MRAP2: variants seen among roughly 807,000 people sequenced by gnomAD.
The protein encoded by MRAP2 is melanocortin-2 receptor accessory protein 2.
MRAP2 carries 20 observed loss-of-function variants against 17.4 expected under a neutral mutation model. That is an observed-to-expected ratio of 1.15 (90% confidence interval 0.81 to 1.67). The LOEUF is 1.67. Ranked by LOEUF, MRAP2 falls within the 40% of genes most tolerant of loss-of-function variation. The pLI is 0.00. For synonymous variants in MRAP2, 96 were observed against 88.4 expected, an observed-to-expected ratio of 1.09 and a Z score of -0.48; for missense variants, 238 against 240.0, an observed-to-expected ratio of 0.99 and a Z score of 0.05.
chr6:84,132,405 G>T, the MRAP2 span, among the ~76,000 whole-genome samples: 2 of 152,132 alleles, frequency 1.3e-5, no homozygotes, highest in Non-Finnish European at 2.9e-5. Flanking sequence ...GCTAGGCTGG[G>T]GAAGTTCTCC....
the MRAP2 span, among the ~76,000 whole-genome samples, chr6:84,120,502 A>C: frequency 6.6e-6 from 1 of 152,198 alleles, no homozygotes; most frequent in Non-Finnish European, 1.5e-5. Context: ...TGCAATGATT[A>C]AGGAATAGGA....
At chr6:84,056,483 T>G (rs1011510198) in intron 2 of MRAP2, among the ~76,000 whole-genome samples, 1 of 152,216 alleles carries the variant, frequency 6.6e-6, no homozygotes, top group South Asian at 2.1e-4. Context: ...AATTAAATAC[T>G]TTCATTCATT....
At chr6:84,036,281 TAAAC>T (rs891177842) in intron 1 of MRAP2, among the ~76,000 whole-genome samples, 46 of 152,190 alleles carry the variant, frequency 3.0e-4, no homozygotes, top group Non-Finnish European at 5.7e-4. Context: ...AATGTTTTAA[TAAAC>T]AAAATGAAAA....
upstream of MRAP2, chr6:84,033,735 G>A: frequency 3.0e-6 from 3 of 985,366 alleles, no homozygotes; most frequent in Non-Finnish European, 3.6e-6. Flanking sequence ...TGCGGGTCGG[G>A]AGCGCGCGTC....
chr6:84,080,614 C>T (rs554922432), intron 3 of MRAP2, among the ~76,000 whole-genome samples: 1 of 152,258 alleles, frequency 6.6e-6, no homozygotes, highest in South Asian at 2.1e-4. Context: ...GCTAAGTCTA[C>T]CTGAAGTCCA....
chr6:84,054,508 C>G (rs1002361565), intron 1 of MRAP2, among the ~76,000 whole-genome samples: 13 of 152,152 alleles, frequency 8.5e-5, no homozygotes, highest in Non-Finnish European at 1.8e-4. Context: ...TCTGCAAGAT[C>G]CACTATGCAA....
At chr6:84,071,274 G>A (rs2129170637) in intron 3 of MRAP2, among the ~76,000 whole-genome samples, 1 of 152,296 alleles carries the variant, frequency 6.6e-6, no homozygotes, top group East Asian at 1.9e-4. Flanking sequence ...GTGGTGGCTT[G>A]GTTGTGGCGA....
chr6:84,053,220 A>G (rs939839168), intron 1 of MRAP2, among the ~76,000 whole-genome samples: 3 of 151,748 alleles, frequency 2.0e-5, no homozygotes, highest in African/African-American at 7.3e-5. Context: ...ACTTTTCCCT[A>G]TTTTTCTATT....
intron 2 of MRAP2, among the ~76,000 whole-genome samples, chr6:84,057,857 C>T (rs534469649): frequency 2.0e-5 from 3 of 152,140 alleles, no homozygotes; most frequent in South Asian, 2.1e-4. Flanking sequence ...GAATTGCCAT[C>T]GAAAGCCTTA....
the MRAP2 span, among the ~76,000 whole-genome samples, chr6:84,128,205 T>C: frequency 2.6e-5 from 4 of 152,194 alleles, no homozygotes; most frequent in African/African-American, 9.6e-5. Context: ...TCACATAAAC[T>C]TAGAAATCTG....
intron 1 of MRAP2, chr6:84,045,300 A>G (rs916005155): frequency 1.0e-6 from 1 of 985,290 alleles, no homozygotes; most frequent in East Asian, 1.1e-4. Flanking sequence ...TGTCAGGTAC[A>G]GCTGATGAGG....
the MRAP2 span, chr6:84,125,166 T>C: frequency 6.2e-7 from 1 of 1,613,670 alleles, no homozygotes; most frequent in Non-Finnish European, 8.5e-7. Context: ...TTGAGTCTAG[T>C]TCTGTGCGGA....
intron 1 of MRAP2, among the ~76,000 whole-genome samples, chr6:84,049,198 T>C (rs1395184962): frequency 6.6e-6 from 1 of 152,048 alleles, no homozygotes; most frequent in Non-Finnish European, 1.5e-5. Context: ...GCAGAGGCAG[T>C]CGGATCGCCT....
chr6:84,122,769 T>C, the MRAP2 span, among the ~76,000 whole-genome samples: 1 of 151,940 alleles, frequency 6.6e-6, no homozygotes, highest in Non-Finnish European at 1.5e-5. Flanking sequence ...ACATCCAAAT[T>C]GGAAAAGACA....
At chr6:84,050,488 G>A (rs1246182716) in intron 1 of MRAP2, among the ~76,000 whole-genome samples, 2 of 152,154 alleles carry the variant, frequency 1.3e-5, no homozygotes, top group Admixed American at 1.3e-4. Flanking sequence ...CGAGTAAGCT[G>A]GGTGCACCAT....
chr6:84,039,667 C>T (rs2099487015), intron 1 of MRAP2, among the ~76,000 whole-genome samples: 1 of 152,210 alleles, frequency 6.6e-6, no homozygotes, highest in Non-Finnish European at 1.5e-5. Flanking sequence ...TTTCATAACC[C>T]TTCAAGTGAA....
In MRAP2 at chr6:84,060,969, G is replaced by C. The variant is rs142254048; in HGVS notation, c.128-1924G>C. Among the ~76,000 whole-genome samples, 712 of 151,854 alleles carry C rather than the reference G, an allele frequency of 4.7e-3. 6 individuals are homozygous for C. Among genetic ancestry groups the C allele is most frequent in the African/African-American group, 0.016 (676 of 41,316 alleles). On this transcript the variant is annotated intron_variant, in intron 2 of 3. Coordinates refer to ENST00000257776, the MANE Select transcript of MRAP2 (RefSeq NM_138409.4). The stretch of plus-strand genomic sequence containing the variant: ...CCGCCTCGGCCTCCCAAAGTGCTGG[G>C]ATTACAGGCGTGAGCCACTGCGCCT...
Position 84,089,819 on chromosome 6 carries a change from T to C in MRAP2, c.*338T>C, listed in dbSNP as rs2099501423. ...TATTAAAACATGAGTTTTGTTTTTTTTTTTGCTATTTTTTTTAAAGCTCGT... is the reference window on the plus strand; with the variant it reads ...TATTAAAACATGAGTTTTGTTTTTTCTTTTGCTATTTTTTTTAAAGCTCGT... On this transcript the variant is annotated 3_prime_UTR_variant, in exon 4 of 4. Coordinates refer to ENST00000257776, the MANE Select transcript of MRAP2 (RefSeq NM_138409.4). 1 of 214,160 alleles carries C rather than the reference T, an allele frequency of 4.7e-6. No homozygotes were observed. The highest frequency in any genetic ancestry group is 9.8e-5 in the East Asian group (1 of 10,224). The allele number at this position is 214,160 out of a possible 1,614,324, so 13.3% of individuals were successfully genotyped here. A position where few individuals can be genotyped will look rare whatever the true frequency, so the allele number is the denominator to read the frequency against.
the MRAP2 span, among the ~76,000 whole-genome samples, chr6:84,129,109 G>C: frequency 6.6e-6 from 1 of 152,098 alleles, no homozygotes; most frequent in Non-Finnish European, 1.5e-5. Context: ...CATTTGGGTT[G>C]GTTCCAAGTC....
Sources: gnomAD v4.1 joint callset for allele counts (sites outside exome capture counted in the v4.1 genomes callset) on GRCh38, gnomAD v4.1.1 for gene constraint, MANE v1.5 for transcripts, NCBI Gene and HGNC (gene_info 2026-07-23, HGNC 2026-07-21) for gene names.